Variants in DNAH7 observed in about 807,000 individuals in gnomAD.
DNAH7 encodes the protein axonemal beta dynein heavy chain 7.
Under a neutral mutation model 444.6 loss-of-function variants are expected in DNAH7, and 397 were observed. The ratio of observed to expected loss-of-function variants is 0.89; its 90% CI spans 0.82 to 0.97. DNAH7 has a LOEUF of 0.97. Among genes scored for constraint, DNAH7 ranks in the 50% least tolerant of loss-of-function variants. DNAH7 has a pLI of 0.00. For synonymous variants in DNAH7, 1,636 were observed against 1,624.4 expected (o/e 1.01, Z -0.17); for missense variants, 4,902 against 4,800.8 (o/e 1.02, Z -0.62).
chr2:196,016,953 G>C (rs1424929536), intron 9 of DNAH7, among the ~76,000 whole-genome samples: 1 of 152,092 alleles, frequency 6.6e-6, no homozygotes, highest in Non-Finnish European at 1.5e-5. Flanking sequence ...ACACGAGATT[G>C]AATATTGAAA....
At chr2:196,024,283 C>T in intron 8 of DNAH7, 146 bp downstream of exon 8, 2 of 475,568 alleles carry the variant, frequency 4.2e-6, no homozygotes, top group Middle Eastern at 5.6e-4. Flanking sequence ...TAAGATGAGG[C>T]ATGCCTGTAT....
intron 54 of DNAH7, among the ~76,000 whole-genome samples, chr2:195,803,557 A>G (rs1410137530): frequency 6.6e-6 from 1 of 152,252 alleles, no homozygotes; most frequent in Non-Finnish European, 1.5e-5. Flanking sequence ...TTGCCTCTTC[A>G]ATCTGATTAT....
chr2:195,861,563 T>A lies in DNAH7; in HGVS notation c.7736+154A>T, dbSNP rs569775309. Among the ~76,000 whole-genome samples, 3 of 152,156 alleles carry A rather than the reference T, an allele frequency of 2.0e-5. No homozygotes were observed. The South Asian group carries it at 6.2e-4, about 32-fold the overall frequency. On this transcript the variant is annotated intron_variant, in intron 42 of 64. Coordinates refer to ENST00000312428, the MANE Select transcript of DNAH7 (RefSeq NM_018897.3). ...AGAAGGATAAGACCCCTCCCTAAAT[T>A]CAAAATGTCTGTGGATTAAATAATT...
intron 31 of DNAH7, among the ~76,000 whole-genome samples, chr2:195,890,808 T>C (rs1054775820): frequency 6.6e-6 from 1 of 152,236 alleles, no homozygotes; most frequent in Non-Finnish European, 1.5e-5. Flanking sequence ...CATTATTACC[T>C]GACTCATGAG....
At chr2:195,793,686 C>A (rs1695998594) in intron 57 of DNAH7, among the ~76,000 whole-genome samples, 1 of 152,110 alleles carries the variant, frequency 6.6e-6, no homozygotes, top group Admixed American at 6.6e-5. Flanking sequence ...CTTTGATGTG[C>A]ACTTAAAACA....
chr2:196,047,132 A>G (rs952510060), intron 5 of DNAH7, among the ~76,000 whole-genome samples: 3 of 152,220 alleles, frequency 2.0e-5, no homozygotes, highest in Non-Finnish European at 4.4e-5. Flanking sequence ...GCCAACATTA[A>G]GTATTAACAT....
chr2:195,906,304 T>A lies in DNAH7; in HGVS notation c.4335+355A>T, dbSNP rs1297355310. ...TTTACTCTGTAAAAATACTCAAAGC[T>A]TTAAAAATTGTTTTCTAAAACAATT... On this transcript the variant is annotated intron_variant, in intron 27 of 64. Transcript: ENST00000312428. 2.0e-5 allele frequency among the ~76,000 whole-genome samples: 3 copies of A among 151,956 alleles called. No individual in the cohort carries two copies. In the East Asian group the frequency reaches 5.8e-4, roughly 29 times the overall value.
chr2:195,738,613 A>G (rs1188659695), intron 64 of DNAH7, among the ~76,000 whole-genome samples: 2 of 152,208 alleles, frequency 1.3e-5, no homozygotes, highest in African/African-American at 2.4e-5. Context: ...TGTTTAAAAT[A>G]TAATTGCATT....
At chr2:196,015,270 T>C (rs1181772889) in intron 9 of DNAH7, among the ~76,000 whole-genome samples, 1 of 152,206 alleles carries the variant, frequency 6.6e-6, no homozygotes, top group Non-Finnish European at 1.5e-5. Flanking sequence ...ATTTCTTGTA[T>C]TATGAGTTAG....
intron 61 of DNAH7, among the ~76,000 whole-genome samples, chr2:195,757,739 G>A (rs1296473004): frequency 1.3e-5 from 2 of 152,160 alleles, no homozygotes; most frequent in Admixed American, 6.5e-5. Flanking sequence ...TTGGCAGGGG[G>A]AAAAGCTAAG....
intron 57 of DNAH7, among the ~76,000 whole-genome samples, chr2:195,793,685 G>A (rs1431699068): frequency 6.6e-6 from 1 of 152,042 alleles, no homozygotes; most frequent in Non-Finnish European, 1.5e-5. Flanking sequence ...CCTTTGATGT[G>A]CACTTAAAAC....
intron 19 of DNAH7, among the ~76,000 whole-genome samples, chr2:195,940,590 A>C (rs1689358422): frequency 6.6e-6 from 1 of 152,192 alleles, no homozygotes; most frequent in African/African-American, 2.4e-5. Flanking sequence ...GTGAACAGGC[A>C]ACCTACAGAA....
chr2:195,889,006 G>A (rs759534077), intron 31 of DNAH7, 25 bp from the exon 32 acceptor site: 9 of 1,571,048 alleles, frequency 5.7e-6, no homozygotes, highest in Middle Eastern at 1.7e-4. Context: ...TGTGAACAGA[G>A]GGCAAAAACG....
chr2:196,065,664 T>C (rs373931624), intron 1 of DNAH7, among the ~76,000 whole-genome samples: 17 of 152,216 alleles, frequency 1.1e-4, no homozygotes, highest in African/African-American at 3.9e-4. Context: ...CCCTGTTCCC[T>C]GTTGTTCTGA....
chr2:196,023,522 T>C (rs911964652), intron 8 of DNAH7, among the ~76,000 whole-genome samples: 1 of 152,228 alleles, frequency 6.6e-6, no homozygotes, highest in Non-Finnish European at 1.5e-5. Flanking sequence ...CAAACATTTC[T>C]TCTGCAGCTT....
At position 195,853,381 on chromosome 2, in the gene DNAH7, C is replaced by A. The variant is rs1258622260; in HGVS notation, c.8743G>T (p.Val2915Phe). 1 of 1,614,056 alleles carries A rather than the reference C, an allele frequency of 6.2e-7. No homozygotes were observed. ...GATGTGAAGGCTCCGAGGTAAGCAA[C>A]CACTCCGGAGGAAATGAGGATATCC... Reference protein sequence around the residue: ...TGDILISSGVVAYLGAFTSTY... With the variant: ...TGDILISSGVFAYLGAFTSTY... Residue 2915 changes from valine to phenylalanine, a missense_variant, in exon 46 of 65, where the codon GTT becomes TTT. Physicochemically the swap from Val to Phe is conservative, Grantham distance 50. Coordinates refer to ENST00000312428, the MANE Select transcript of DNAH7 (RefSeq NM_018897.3).
intron 3 of DNAH7, among the ~76,000 whole-genome samples, chr2:196,049,157 A>C (rs568064026): frequency 1.2e-4 from 19 of 152,290 alleles, no homozygotes; most frequent in Non-Finnish European, 2.2e-4. Flanking sequence ...AATCCAAACC[A>C]ACTTAAAAGT....
At chr2:195,921,786 G>C (rs924653822) in intron 24 of DNAH7, among the ~76,000 whole-genome samples, 1 of 152,010 alleles carries the variant, frequency 6.6e-6, no homozygotes, top group African/African-American at 2.4e-5. Context: ...AGTGTTTCAA[G>C]GGAACAATAA....
intron 63 of DNAH7, among the ~76,000 whole-genome samples, chr2:195,752,357 G>A (rs928064748): frequency 5.3e-5 from 8 of 151,954 alleles, no homozygotes; most frequent in African/African-American, 1.9e-4. Flanking sequence ...GCAGAAGAAC[G>A]AAGAGTTCCT....
Sources: gnomAD v4.1 joint callset for allele counts (sites outside exome capture counted in the v4.1 genomes callset) on GRCh38, gnomAD v4.1.1 for gene constraint, MANE v1.5 for transcripts, NCBI Gene and HGNC (gene_info 2026-07-23, HGNC 2026-07-21) for gene names.